Variants in NDC80 observed in about 807,000 individuals in gnomAD.
NDC80 encodes the protein kinetochore protein NDC80 homolog.
NDC80 carries 69 observed loss-of-function variants against 89.3 expected under a neutral mutation model. The observed-to-expected ratio is 0.77, with a 90% confidence interval of 0.64 to 0.94. The LOEUF (loss-of-function observed/expected upper bound fraction) is 0.94. Among genes scored for constraint, NDC80 ranks in the 40% least tolerant of loss-of-function variants. NDC80 has a pLI of 0.00. For synonymous variants in NDC80, 243 were observed against 255.6 expected (o/e 0.95, Z 0.47); for missense variants, 593 against 739.6 (o/e 0.80, Z 2.30).
intron 3 of NDC80, 100 bp from the exon 4 acceptor site, chr18:2,577,646 G>A (rs2072554017): frequency 3.9e-6 from 5 of 1,266,616 alleles, no homozygotes; most frequent in Non-Finnish European, 5.6e-6. Context: ...AGAACGTAAT[G>A]TTTGATGTTG....
At chr18:2,611,533 C>A (rs1461980531) in intron 16 of NDC80, among the ~76,000 whole-genome samples, 1 of 152,148 alleles carries the variant, frequency 6.6e-6, no homozygotes, top group African/African-American at 2.4e-5. Context: ...AAGGGCATAT[C>A]TTATGATGAT....
intron 15 of NDC80, among the ~76,000 whole-genome samples, chr18:2,610,437 C>G (rs1172784196): frequency 6.6e-6 from 1 of 152,180 alleles, no homozygotes; most frequent in African/African-American, 2.4e-5. Flanking sequence ...TCTACTCCCC[C>G]ATTTGCAAAT....
Position 2,595,450 on chromosome 18 carries a change from T to C in NDC80, c.1050T>C (p.Thr350=). ...LECETIKQEN[T]RLQNIIDNQK... ...GTGAAACAATAAAACAGGAGAACAC[T>C]CGACTACAGAATATCATTGACAACC... is the stretch of plus-strand genomic sequence containing the variant. The change falls in exon 11 of 17, where the codon ACT becomes ACC. Residue 350 remains threonine, a synonymous_variant. Coordinates refer to ENST00000261597, the MANE Select transcript of NDC80 (RefSeq NM_006101.3). 1 of 1,613,812 alleles carries C rather than the reference T, an allele frequency of 6.2e-7. No individual in the cohort carries two copies. Among genetic ancestry groups the C allele is most frequent in the Non-Finnish European group, 8.5e-7 (1 of 1,179,854 alleles).
At chr18:2,589,357 T>C (rs988418178) in intron 9 of NDC80, 47 bp downstream of exon 9, 1 of 1,278,530 alleles carries the variant, frequency 7.8e-7, no homozygotes, top group African/African-American at 1.5e-5. Flanking sequence ...TTTTAGACTT[T>C]TGGGTGTCCT....
chr18:2,583,978 C>G (rs556654300), intron 6 of NDC80, among the ~76,000 whole-genome samples: 1 of 152,176 alleles, frequency 6.6e-6, no homozygotes, highest in East Asian at 1.9e-4. Flanking sequence ...GTTCATTATA[C>G]TATTAGATAC....
At chr18:2,578,885 T>C in intron 5 of NDC80, 42 bp from the exon 6 acceptor site, 1 of 1,189,164 alleles carries the variant, frequency 8.4e-7, no homozygotes, top group Non-Finnish European at 1.1e-6. Context: ...TACTAAATTA[T>C]AATAACATTA....
chr18:2,608,194 TA>T (rs1404225032), intron 14 of NDC80, among the ~76,000 whole-genome samples: 9 of 151,020 alleles, frequency 6.0e-5, no homozygotes, highest in Non-Finnish European at 1.0e-4. Context: ...ATTTTCAAAT[TA>T]AAAAATAATA....
At chr18:2,579,397 C>G (rs970679771) in intron 6 of NDC80, among the ~76,000 whole-genome samples, 2 of 152,110 alleles carry the variant, frequency 1.3e-5, no homozygotes, top group Non-Finnish European at 2.9e-5. Context: ...CAGACAATAA[C>G]ATAAAATGTT....
chr18:2,612,723 A>G (rs552551405), intron 16 of NDC80, among the ~76,000 whole-genome samples: 1 of 152,360 alleles, frequency 6.6e-6, no homozygotes, highest in Admixed American at 6.5e-5. Flanking sequence ...TTGAAAACCT[A>G]ATGGTAAGTT....
chr18:2,616,302 G>A (rs1393121435), intron 16 of NDC80, 135 bp from the exon 17 acceptor site: 4 of 506,756 alleles, frequency 7.9e-6, no homozygotes, highest in Non-Finnish European at 1.3e-5. Flanking sequence ...TGGGATTGCA[G>A]GAGTGAGCCA....
intron 16 of NDC80, among the ~76,000 whole-genome samples, chr18:2,611,394 C>T (rs1489071389): frequency 6.6e-6 from 1 of 152,162 alleles, no homozygotes; most frequent in East Asian, 1.9e-4. Flanking sequence ...GCATAAACAA[C>T]ATATGATGTT....
At chr18:2,595,323 G>A (rs914439912) in intron 10 of NDC80, 93 bp from the exon 11 acceptor site, 2 of 635,602 alleles carry the variant, frequency 3.1e-6, no homozygotes, top group African/African-American at 3.8e-5. Context: ...ATATGACTTG[G>A]AAATTTAGAT....
chr18:2,584,287 CAA>C (rs11297697), intron 6 of NDC80, among the ~76,000 whole-genome samples: 4 of 98,396 alleles, frequency 4.1e-5, no homozygotes, highest in African/African-American at 1.5e-4. Flanking sequence ...GACTCCGTCT[CAA>C]AAAAAAAAAA....
At position 2,614,600 on chromosome 18, in the gene NDC80, A is replaced by G. The variant is rs1344693705; in HGVS notation, c.1792-1837A>G. The G allele has an allele frequency of 2.4e-4, 3 of 12,274 alleles. 1 individual carries two copies. The highest frequency in any genetic ancestry group is 3.5e-4 in the African/African-American group (2 of 5,704). 0.8% of individuals were successfully genotyped at this position (12,274 alleles called of 1,614,324 possible). On this transcript the variant is annotated intron_variant, in intron 16 of 16. Transcript: ENST00000261597. ...AAGAAAGAAAGAAAGAAAGAAAGAA[A>G]GAAAGAAAGAAAGAAAGAAAGAAAG...
chr18:2,610,599 T>C (rs2072737713), intron 15 of NDC80, among the ~76,000 whole-genome samples, 160 bp from the exon 16 acceptor site: 1 of 152,250 alleles, frequency 6.6e-6, no homozygotes, highest in Non-Finnish European at 1.5e-5. Context: ...TCTCTTTTAA[T>C]TATTGATAGT....
intron 13 of NDC80, among the ~76,000 whole-genome samples, chr18:2,604,313 A>G (rs2072699172): frequency 1.3e-5 from 2 of 152,350 alleles, no homozygotes; most frequent in East Asian, 1.9e-4. Flanking sequence ...GTGTTGGCCA[A>G]TGGATACACA....
chr18:2,601,436 T>C lies in NDC80; in HGVS notation c.1415T>C (p.Ile472Thr), dbSNP rs150156156. Reference protein sequence around the residue: ...KELLNETEEEINKALNKKMGL... With the variant: ...KELLNETEEETNKALNKKMGL... ...CTCCTGAATGAAACTGAAGAAGAAA[T>C]TAATAAAGCCCTAAATAAAAAAATG... is the stretch of plus-strand genomic sequence containing the variant. Residue 472 changes from isoleucine (I) to threonine (T), a missense_variant, in exon 13 of 17, where the codon ATT becomes ACT. Coordinates refer to ENST00000261597, the MANE Select transcript of NDC80 (RefSeq NM_006101.3). 3.9e-5 allele frequency: 60 copies of C among 1,529,588 alleles called. No homozygotes were observed. The highest frequency in any genetic ancestry group is 5.5e-5 in the Admixed American group (3 of 54,482). 94.8% of individuals were successfully genotyped at this position (1,529,588 alleles called of 1,614,324 possible).
intron 11 of NDC80, among the ~76,000 whole-genome samples, chr18:2,598,473 A>G (rs1012644027): frequency 1.3e-5 from 2 of 152,210 alleles, no homozygotes; most frequent in Non-Finnish European, 1.5e-5. Flanking sequence ...TTAGGGTGCT[A>G]TATTAGGGGA....
chr18:2,593,438 A>G (rs1044844674), intron 10 of NDC80, among the ~76,000 whole-genome samples: 1 of 152,234 alleles, frequency 6.6e-6, no homozygotes, highest in Non-Finnish European at 1.5e-5. Flanking sequence ...CAGTCTTCAC[A>G]GTGTACTTTT....
Sources: gnomAD v4.1 joint callset for allele counts (sites outside exome capture counted in the v4.1 genomes callset) on GRCh38, gnomAD v4.1.1 for gene constraint, MANE v1.5 for transcripts, NCBI Gene and HGNC (gene_info 2026-07-23, HGNC 2026-07-21) for gene names.